Variants in EPM2A observed in about 807,000 individuals in gnomAD.
The protein encoded by EPM2A is EPM2A glucan phosphatase, laforin, also known as laforin.
EPM2A carries 21 observed loss-of-function variants against 26.5 expected under a neutral mutation model. The ratio of observed to expected loss-of-function variants is 0.79; its 90% CI spans 0.56 to 1.14. The LOEUF (loss-of-function observed/expected upper bound fraction) is 1.14. Ranked by LOEUF, EPM2A falls within the 50% of genes most tolerant of loss-of-function variation. The pLI is 0.00. For synonymous variants in EPM2A, 217 were observed against 177.6 expected, an observed-to-expected ratio of 1.22 and a Z score of -1.76; for missense variants, 458 against 440.8, an observed-to-expected ratio of 1.04 and a Z score of -0.35.
rs776270507 is a variant in EPM2A at position 145,627,699 on chromosome 6, G to T, written c.719-6C>A. The T allele has an allele frequency of 1.9e-6, 3 of 1,613,800 alleles. No individual in the cohort carries two copies. The highest frequency in any genetic ancestry group is 1.7e-5 in the Admixed American group (1 of 60,004). ...GGGCAGCATCTGTACTCGGCCTGCGGTGGGGAAAGCACAGCACACATGTGA... is the reference window on the plus strand; with the variant it reads ...GGGCAGCATCTGTACTCGGCCTGCGTTGGGGAAAGCACAGCACACATGTGA... On this transcript the variant is annotated splice_region_variant and splice_polypyrimidine_tract_variant and intron_variant, in intron 3 of 3. Coordinates refer to ENST00000367519, the MANE Select transcript of EPM2A (RefSeq NM_005670.4).
In EPM2A at chr6:145,669,384, A is replaced by G. The variant is rs190153030; in HGVS notation, c.476+16738T>C. ...TTCCAAGGGTTTGATAATCCTTCCC[A>G]TCTGTTCCACAAAAGAGTGGACTAT... is the stretch of plus-strand genomic sequence containing the variant. On this transcript the variant is annotated intron_variant, in intron 2 of 3. Transcript: ENST00000367519. Among the ~76,000 whole-genome samples the G allele has an allele frequency of 1.1e-4, 16 of 152,318 alleles. No individual in the cohort carries two copies. In the East Asian group the frequency reaches 3.1e-3, roughly 29 times the overall value.
chr6:145,395,802 T>C (rs1436632214), intron 4 of EPM2A, among the ~76,000 whole-genome samples: 1 of 152,292 alleles, frequency 6.6e-6, no homozygotes, highest in South Asian at 2.1e-4. Flanking sequence ...GAATTTTATC[T>C]GGTACGCTGA....
intron 2 of EPM2A, among the ~76,000 whole-genome samples, chr6:145,668,157 A>G: frequency 8.0e-6 from 1 of 125,014 alleles, no homozygotes; most frequent in East Asian, 2.4e-4. Flanking sequence ...TAAAACTTAA[A>G]GTATAATAAA....
intron 2 of EPM2A, among the ~76,000 whole-genome samples, chr6:145,646,158 T>G (rs1777445246): frequency 6.6e-6 from 1 of 152,034 alleles, no homozygotes; most frequent in Non-Finnish European, 1.5e-5. Context: ...ACACACAGTT[T>G]CTTTTTTCTT....
chr6:145,574,624 C>T lies in EPM2A; in HGVS notation c.340+60621G>A, dbSNP rs186726664. Among the ~76,000 whole-genome samples, 272 of 152,314 alleles carry T rather than the reference C, an allele frequency of 1.8e-3. 1 individual carries two copies. Among genetic ancestry groups the T allele is most frequent in the Non-Finnish European group, 2.8e-3 (188 of 68,022 alleles). On this transcript the variant is annotated intron_variant, in intron 2 of 3. Coordinates refer to the EPM2A transcript ENST00000450221. ...GCTGGGATGAGTAGGTCTAAAGTGG[C>T]TAATACACTTCCCCATCCCAAACTC...
At chr6:145,482,649 C>T (rs1047702732) in intron 4 of EPM2A, among the ~76,000 whole-genome samples, 2 of 151,988 alleles carry the variant, frequency 1.3e-5, no homozygotes, top group African/African-American at 4.8e-5. Context: ...TGGAGAGAAG[C>T]CTTTGTTCAG....
At chr6:145,606,988 A>G (rs1214762837) in intron 2 of EPM2A, among the ~76,000 whole-genome samples, 1 of 152,170 alleles carries the variant, frequency 6.6e-6, no homozygotes, top group Non-Finnish European at 1.5e-5. Flanking sequence ...AATTTATATA[A>G]TTTAGGAGCT....
chr6:145,527,857 G>A (rs2114780467), intron 2 of EPM2A, among the ~76,000 whole-genome samples: 1 of 152,038 alleles, frequency 6.6e-6, no homozygotes, highest in Non-Finnish European at 1.5e-5. Context: ...CTGAAAGTTA[G>A]GCCTCTTGTG....
At chr6:145,721,416 T>C (rs928406723) in intron 1 of EPM2A, 2 of 152,120 alleles carry the variant, frequency 1.3e-5, no homozygotes, top group East Asian at 1.9e-4. Flanking sequence ...AAACTCAAAT[T>C]GGTGATGGTG....
rs956611904 is a variant in EPM2A at position 145,390,008 on chromosome 6, A to G, written c.556-5911T>C. On this transcript the variant is annotated intron_variant, in intron 4 of 4. Coordinates refer to the EPM2A transcript ENST00000638717. ...AGTCAGGGATTTCCTGATAGACAGA[A>G]CCAACAGGAGTGAAACAGAAACAGA... Among the ~76,000 whole-genome samples, 7 of 152,246 alleles carry G rather than the reference A, an allele frequency of 4.6e-5. No individual in the cohort carries two copies. In the East Asian group the frequency reaches 1.3e-3, roughly 29 times the overall value.
At chr6:145,697,182 AAG>A (rs943895088) in intron 1 of EPM2A, among the ~76,000 whole-genome samples, 9 of 152,136 alleles carry the variant, frequency 5.9e-5, no homozygotes, top group Admixed American at 2.6e-4. Context: ...CAGAGTACAA[AAG>A]AGAGAAATTT....
At chr6:145,564,294 G>T (rs903954274) in intron 2 of EPM2A, among the ~76,000 whole-genome samples, 37 of 152,148 alleles carry the variant, frequency 2.4e-4, no homozygotes, top group Middle Eastern at 3.4e-3. Flanking sequence ...GCATCTATAT[G>T]CCTGTGTATA....
intron 2 of EPM2A, among the ~76,000 whole-genome samples, chr6:145,661,958 T>C (rs1778744893): frequency 6.6e-6 from 1 of 152,118 alleles, no homozygotes; most frequent in Non-Finnish European, 1.5e-5. Flanking sequence ...CTATAAGCAA[T>C]AAGACACACA....
At chr6:145,392,454 C>T (rs1778350940) in intron 4 of EPM2A, among the ~76,000 whole-genome samples, 1 of 152,132 alleles carries the variant, frequency 6.6e-6, no homozygotes, top group Non-Finnish European at 1.5e-5. Flanking sequence ...ATGCCAGCAA[C>T]AGTGTATCCT....
intron 4 of EPM2A, among the ~76,000 whole-genome samples, chr6:145,424,834 G>T (rs531974053): frequency 6.6e-6 from 1 of 152,168 alleles, no homozygotes; most frequent in Non-Finnish European, 1.5e-5. Flanking sequence ...CACTGAATCT[G>T]CTGAAACCTT....
intron 1 of EPM2A, among the ~76,000 whole-genome samples, chr6:145,727,710 T>C (rs1334842927): frequency 6.6e-6 from 1 of 152,192 alleles, no homozygotes; most frequent in East Asian, 1.9e-4. Context: ...ATATTTTTGT[T>C]TTAAACTGTA....
At chr6:145,623,720 G>A (rs761106504), downstream of EPM2A, among the ~76,000 whole-genome samples, 25 of 152,132 alleles carry the variant, frequency 1.6e-4, 1 homozygote, top group Admixed American at 1.6e-3. Flanking sequence ...ATAGAGGAAG[G>A]GGCTGGGAGG....
intron 4 of EPM2A, among the ~76,000 whole-genome samples, chr6:145,428,145 T>A (rs1778876268): frequency 1.3e-5 from 2 of 151,210 alleles, no homozygotes; most frequent in African/African-American, 4.8e-5. Flanking sequence ...TCAAAAATTA[T>A]GCATCCTAAT....
upstream of EPM2A, chr6:145,735,538 C>A: frequency 8.6e-7 from 1 of 1,160,714 alleles, no homozygotes; most frequent in Non-Finnish European, 1.1e-6. Context: ...CCCGGAGTCC[C>A]CGCGGCCGGC....
Sources: gnomAD v4.1 joint callset for allele counts (sites outside exome capture counted in the v4.1 genomes callset) on GRCh38, gnomAD v4.1.1 for gene constraint, MANE v1.5 for transcripts, NCBI Gene and HGNC (gene_info 2026-07-23, HGNC 2026-07-21) for gene names.